Variants in URM1 observed in about 807,000 individuals in gnomAD.
URM1 encodes ubiquitin-related modifier 1.
A neutral mutation model predicts 17.7 loss-of-function variants in URM1; 11 were observed. The ratio of observed to expected loss-of-function variants is 0.62; its 90% CI spans 0.39 to 1.03. URM1 has a LOEUF of 1.03. Ranked by LOEUF, URM1 falls within the 50% of genes least tolerant of loss-of-function variation. The probability of loss-of-function intolerance (pLI) is 0.00; values close to 1 mark genes in which losing one functional copy is unlikely to be tolerated. For synonymous variants in URM1, 48 were observed against 50.6 expected, an observed-to-expected ratio of 0.95 and a Z score of 0.22; for missense variants, 128 against 129.2, an observed-to-expected ratio of 0.99 and a Z score of 0.04.
rs1263592201 is a variant in URM1, at chr9:128,387,322, G to GT, written c.107-487dup. 2.6e-5 allele frequency among the ~76,000 whole-genome samples: 4 copies of GT among 152,194 alleles called. No homozygotes were observed. The highest frequency in any genetic ancestry group is 2.0e-4 in the Admixed American group (3 of 15,282). On this transcript the variant is annotated intron_variant, in intron 2 of 4. Transcript: ENST00000372853. This position sits in a 1 kb window ranked among gnomAD's most constrained non-coding sequence, Gnocchi z 4.3. ...AACTGATGTTATCAGCTCAGCAATT[G>GT]TTTTTTTCCCCTCACAAAGGGAAAT...
intron 1 of URM1, among the ~76,000 whole-genome samples, chr9:128,374,063 C>T (rs1401603668): frequency 6.6e-6 from 1 of 152,092 alleles, no homozygotes. Context: ...GGAGATATGT[C>T]AGTTGAGTTT....
intron 3 of URM1, 192 bp from the exon 4 acceptor site, chr9:128,389,069 A>G: frequency 7.3e-7 from 1 of 1,364,108 alleles, no homozygotes; most frequent in East Asian, 2.7e-5. Context: ...CTGGCTACAA[A>G]GACCATGCAT....
At chr9:128,386,478 A>G (rs1026131037) in intron 2 of URM1, among the ~76,000 whole-genome samples, 8 of 152,254 alleles carry the variant, frequency 5.3e-5, no homozygotes, top group African/African-American at 1.9e-4. Context: ...GTCTCAGTCC[A>G]TGGACACTTT....
intron 3 of URM1, 108 bp downstream of exon 3, chr9:128,388,005 C>A (rs1230496264): frequency 1.6e-5 from 24 of 1,500,618 alleles, no homozygotes; most frequent in Non-Finnish European, 2.1e-5. Flanking sequence ...TTCTCCCCTT[C>A]CTCCTCCCTA....
rs570801415 is a variant in URM1, at chr9:128,384,526, C to G, written c.107-3290C>G. Among the ~76,000 whole-genome samples the G allele has an allele frequency of 1.1e-4, 16 of 152,278 alleles. No homozygotes were observed. In the South Asian group the frequency reaches 1.9e-3, roughly 18 times the overall value. On this transcript the variant is annotated intron_variant, in intron 2 of 4. Coordinates refer to ENST00000372853, the MANE Select transcript of URM1 (RefSeq NM_030914.4). ...GCTTCTGATGGGAAGATACGGGATG[C>G]CACAGAAAACCCCAGCCGGTCCCAG...
intron 2 of URM1, among the ~76,000 whole-genome samples, chr9:128,386,063 C>A (rs1056582467): frequency 2.6e-5 from 4 of 152,194 alleles, no homozygotes; most frequent in African/African-American, 9.6e-5. Flanking sequence ...CAGAGTGGAG[C>A]AGAAGCACCT....
In URM1 at chr9:128,375,827, G is replaced by A. The variant is rs113685555; in HGVS notation, c.36-2209G>A. ...CTCCCTCGCCTCTCAGCCTCCCAAA[G>A]TGCTAGAGTTACAGGTGTGAGCCAC... is the stretch of plus-strand genomic sequence containing the variant. On this transcript the variant is annotated intron_variant, in intron 1 of 4. Coordinates refer to ENST00000372853, the MANE Select transcript of URM1 (RefSeq NM_030914.4). Among the ~76,000 whole-genome samples the A allele has an allele frequency of 4.3e-3, 654 of 152,160 alleles. 4 individuals are homozygous for A. The highest frequency in any genetic ancestry group is 0.01 in the Middle Eastern group (3 of 294).
chr9:128,386,984 C>T (rs372008636), intron 2 of URM1, among the ~76,000 whole-genome samples: 2 of 152,230 alleles, frequency 1.3e-5, no homozygotes, highest in Non-Finnish European at 2.9e-5. Flanking sequence ...CCATAGGCTT[C>T]GAGGTGTTTA....
At chr9:128,382,211 TCCTGTTGTGC>T (rs1833167943) in intron 2 of URM1, among the ~76,000 whole-genome samples, 2 of 152,112 alleles carry the variant, frequency 1.3e-5, no homozygotes, top group Non-Finnish European at 2.9e-5. Flanking sequence ...TACACCTGGT[TCCTGTTGTGC>T]CCAGAGGCAT....
intron 3 of URM1, chr9:128,389,045 C>T (rs540978177): frequency 2.2e-6 from 3 of 1,353,388 alleles, no homozygotes; most frequent in South Asian, 4.2e-5. Context: ...CTGGCATTTG[C>T]ACCCATTTTC....
chr9:128,380,623 CTTTT>C (rs1022683037), intron 2 of URM1, among the ~76,000 whole-genome samples: 9 of 145,266 alleles, frequency 6.2e-5, no homozygotes, highest in African/African-American at 2.0e-4. Flanking sequence ...CACAAATTTT[CTTTT>C]TTTTTTCTTT....
chr9:128,373,472 C>T (rs1327702690), intron 1 of URM1, among the ~76,000 whole-genome samples: 2 of 152,110 alleles, frequency 1.3e-5, no homozygotes, highest in African/African-American at 4.8e-5. Context: ...GAAGGGTCTC[C>T]CTCCTGAGCA....
chr9:128,377,936 G>T (rs147754008), intron 1 of URM1, 100 bp from the exon 2 acceptor site: 1 of 1,235,894 alleles, frequency 8.1e-7, no homozygotes, highest in Non-Finnish European at 1.2e-6. Context: ...GCTTCTCTCG[G>T]CCTTCATTAC....
At chr9:128,375,924 A>G (rs1833070401) in intron 1 of URM1, among the ~76,000 whole-genome samples, 1 of 152,192 alleles carries the variant, frequency 6.6e-6, no homozygotes. Flanking sequence ...AGGTCTCAAC[A>G]TAGGGAGAGG....
At position 128,390,590 on chromosome 9, in the gene URM1, C is replaced by T. The variant is rs1252258062; in HGVS notation, c.*856C>T. On this transcript the variant is annotated 3_prime_UTR_variant, in exon 5 of 5. Coordinates refer to ENST00000372853, the MANE Select transcript of URM1 (RefSeq NM_030914.4). The stretch of plus-strand genomic sequence containing the variant: ...CGAATGTCCGTTTTCTCTCCCTTCC[C>T]ACCTCCTGCAGGAAGCAGGACGGGG... The T allele has an allele frequency of 6.6e-6, 1 of 152,412 alleles. No individual in the cohort carries two copies. Among genetic ancestry groups the T allele is most frequent in the Non-Finnish European group, 1.5e-5 (1 of 68,088 alleles). The allele number at this position is 152,412 out of a possible 1,614,324, so 9.4% of individuals were successfully genotyped here.
chr9:128,371,548 G>GC, intron 1 of URM1, 133 bp downstream of exon 1: 1 of 872,196 alleles, frequency 1.1e-6, no homozygotes, highest in Non-Finnish European at 1.8e-6. Context: ...TACGCTACCC[G>GC]CCTAGGAGAG....
chr9:128,389,924 G>T lies in URM1; in HGVS notation c.*190G>T. The T allele has an allele frequency of 1.4e-6, 1 of 727,514 alleles. No homozygotes were observed. The highest frequency in any genetic ancestry group is 3.0e-5 in the Admixed American group (1 of 33,364). The allele number at this position is 727,514 out of a possible 1,614,324, so 45.1% of individuals were successfully genotyped here. A position where few individuals can be genotyped will look rare whatever the true frequency, so the allele number is the denominator to read the frequency against. The stretch of plus-strand genomic sequence containing the variant: ...AGCCTTTCTCAAGCACGTGAGCAGC[G>T]GAAGGCAGACAGGCGCCAGAGCCCA... On this transcript the variant is annotated 3_prime_UTR_variant, in exon 5 of 5. Transcript: ENST00000372853.
rs1833237862 is a variant in URM1 at position 128,387,060 on chromosome 9, A to G, written c.107-756A>G. ...CCCTAGGAAAGGACAGGTGACCCTG[A>G]AGACAGGTGGCTCTGAGCCTCCACA... On this transcript the variant is annotated intron_variant, in intron 2 of 4. Coordinates refer to ENST00000372853, the MANE Select transcript of URM1 (RefSeq NM_030914.4). The surrounding 1 kb of genome is among the most constrained non-coding windows in gnomAD (Gnocchi z 4.3). Among the ~76,000 whole-genome samples, 1 of 152,218 alleles carries G rather than the reference A, an allele frequency of 6.6e-6. No homozygotes were observed. The highest frequency in any genetic ancestry group is 2.4e-5 in the African/African-American group (1 of 41,460).
intron 4 of URM1, 130 bp from the exon 5 acceptor site, chr9:128,389,536 G>A (rs1833277239): frequency 6.5e-7 from 1 of 1,548,136 alleles, no homozygotes; most frequent in Non-Finnish European, 8.7e-7. Context: ...TGAGGTATAG[G>A]ATACCCATTT....
Sources: allele counts gnomAD v4.1 joint callset (sites outside exome capture counted in the v4.1 genomes callset), GRCh38; gene constraint gnomAD v4.1.1; non-coding constraint Gnocchi (gnomAD v3.1); transcripts MANE v1.5; gene names NCBI Gene and HGNC (gene_info 2026-07-23, HGNC 2026-07-21).